SLC25A21: variants seen among roughly 807,000 people sequenced by gnomAD.
SLC25A21 encodes mitochondrial 2-oxodicarboxylate carrier.
A neutral mutation model predicts 43.8 loss-of-function variants in SLC25A21; 47 were observed. The ratio of observed to expected loss-of-function variants is 1.07; its 90% CI spans 0.85 to 1.37. The LOEUF (loss-of-function observed/expected upper bound fraction) is 1.37. Among genes scored for constraint, SLC25A21 ranks in the 40% most tolerant of loss-of-function variants. SLC25A21 has a pLI of 0.00. For missense variants in SLC25A21, 352 were observed against 350.2 expected, an observed-to-expected ratio of 1.00 and a Z score of -0.04; for synonymous variants, 131 against 121.3, an observed-to-expected ratio of 1.08 and a Z score of -0.52.
intron 1 of SLC25A21, among the ~76,000 whole-genome samples, chr14:37,137,101 C>T (rs929945968): frequency 1.3e-5 from 2 of 152,238 alleles, no homozygotes; most frequent in Non-Finnish European, 2.9e-5. Context: ...TCCGGGTTCA[C>T]GCCACTCTGC....
intron 1 of SLC25A21, among the ~76,000 whole-genome samples, chr14:36,878,745 T>C (rs1890621817): frequency 6.6e-6 from 1 of 152,170 alleles, no homozygotes; most frequent in African/African-American, 2.4e-5. Flanking sequence ...CTCTGAAATA[T>C]CAGCTTCCAT....
At chr14:36,708,363 T>G (rs113686018) in intron 7 of SLC25A21, among the ~76,000 whole-genome samples, 1 of 152,248 alleles carries the variant, frequency 6.6e-6, no homozygotes, top group African/African-American at 2.4e-5. Flanking sequence ...GGAAGTGCTA[T>G]CTAATAGATA....
At chr14:36,700,469 A>T (rs1456356477) in intron 7 of SLC25A21, among the ~76,000 whole-genome samples, 1 of 152,168 alleles carries the variant, frequency 6.6e-6, no homozygotes, top group East Asian at 1.9e-4. Flanking sequence ...ATGTCACCAG[A>T]AGAGTGAATG....
At chr14:37,067,061 A>T (rs1962075603) in intron 1 of SLC25A21, among the ~76,000 whole-genome samples, 1 of 152,184 alleles carries the variant, frequency 6.6e-6, no homozygotes. Flanking sequence ...AAGAGAGATT[A>T]GGCTTAATGG....
At chr14:37,127,325 C>T (rs1197842668) in intron 1 of SLC25A21, among the ~76,000 whole-genome samples, 1 of 152,204 alleles carries the variant, frequency 6.6e-6, no homozygotes, top group Non-Finnish European at 1.5e-5. Context: ...TCACTCCAAA[C>T]ACCACAAATT....
chr14:36,817,671 T>C (rs571613265), intron 2 of SLC25A21, among the ~76,000 whole-genome samples: 55 of 152,238 alleles, frequency 3.6e-4, no homozygotes, highest in Admixed American at 9.8e-4. Context: ...CATTGCACAA[T>C]TGCATGGCCC....
chr14:36,824,659 C>T (rs1019329845), intron 2 of SLC25A21, among the ~76,000 whole-genome samples: 1 of 152,092 alleles, frequency 6.6e-6, no homozygotes, highest in African/African-American at 2.4e-5. Flanking sequence ...TTTTCTGCTT[C>T]CAGTGGTACT....
chr14:36,894,043 G>T (rs1472116982), intron 1 of SLC25A21, among the ~76,000 whole-genome samples: 2 of 152,154 alleles, frequency 1.3e-5, no homozygotes, highest in African/African-American at 4.8e-5. Context: ...GGCTCCATAT[G>T]AACTTTAAAG....
intron 7 of SLC25A21, among the ~76,000 whole-genome samples, chr14:36,687,890 A>G (rs1882624509): frequency 6.6e-6 from 1 of 152,186 alleles, no homozygotes; most frequent in South Asian, 2.1e-4. Context: ...TTAGAAAAAC[A>G]GATCTGCTTT....
chr14:37,035,986 A>T (rs1439775782), intron 1 of SLC25A21, among the ~76,000 whole-genome samples: 9 of 152,224 alleles, frequency 5.9e-5, no homozygotes, highest in African/African-American at 2.2e-4. Context: ...GGGAAGTTTA[A>T]AAATCTCTTG....
At chr14:36,980,536 T>C (rs574792971) in intron 1 of SLC25A21, among the ~76,000 whole-genome samples, 1 of 152,348 alleles carries the variant, frequency 6.6e-6, no homozygotes, top group East Asian at 1.9e-4. Context: ...TTGATCGAAT[T>C]GGCTACTGAA....
intron 1 of SLC25A21, among the ~76,000 whole-genome samples, chr14:37,071,009 A>G (rs1265333202): frequency 6.6e-6 from 1 of 151,394 alleles, no homozygotes; most frequent in Non-Finnish European, 1.5e-5. Context: ...GAATTTTCAA[A>G]TAACTTTGCA....
intron 1 of SLC25A21, among the ~76,000 whole-genome samples, chr14:37,053,410 C>T (rs1236574764): frequency 5.9e-5 from 9 of 152,030 alleles, no homozygotes; most frequent in Admixed American, 2.0e-4. Flanking sequence ...AAATATGAGG[C>T]TATTTTTAGA....
intron 1 of SLC25A21, among the ~76,000 whole-genome samples, chr14:36,899,687 C>G (rs905713604): frequency 6.6e-6 from 1 of 152,188 alleles, no homozygotes; most frequent in Non-Finnish European, 1.5e-5. Context: ...GTTAGACCAT[C>G]ATATAGTTAT....
At chr14:36,880,114 C>T (rs1329065559) in intron 1 of SLC25A21, among the ~76,000 whole-genome samples, 1 of 152,130 alleles carries the variant, frequency 6.6e-6, no homozygotes, top group East Asian at 1.9e-4. Context: ...TTTTGCTGCT[C>T]AGCATCACAA....
chr14:36,960,450 C>T (rs1226568315), intron 1 of SLC25A21, among the ~76,000 whole-genome samples: 2 of 151,966 alleles, frequency 1.3e-5, no homozygotes. Context: ...TAGATAGATG[C>T]CTATGTTTTT....
intron 1 of SLC25A21, among the ~76,000 whole-genome samples, chr14:37,057,962 T>C (rs1463091547): frequency 6.6e-6 from 1 of 152,246 alleles, no homozygotes; most frequent in South Asian, 2.1e-4. Flanking sequence ...ATTTGGCATA[T>C]GAACAGCTTT....
chr14:37,029,449 A>G (rs1961161424), intron 1 of SLC25A21, among the ~76,000 whole-genome samples: 1 of 152,162 alleles, frequency 6.6e-6, no homozygotes, highest in Admixed American at 6.5e-5. Context: ...AATTAACTCA[A>G]TTTTACAACG....
intron 1 of SLC25A21, among the ~76,000 whole-genome samples, chr14:37,142,387 G>C (rs756344436): frequency 2.0e-5 from 3 of 152,130 alleles, no homozygotes; most frequent in Non-Finnish European, 4.4e-5. Context: ...TGGAGACAGG[G>C]TTTTGCTCTG....
Sources: allele counts gnomAD v4.1 joint callset (sites outside exome capture counted in the v4.1 genomes callset), GRCh38; gene constraint gnomAD v4.1.1; transcripts MANE v1.5; gene names NCBI Gene and HGNC (gene_info 2026-07-23, HGNC 2026-07-21).